Variants in PTPRU observed in about 807,000 individuals in gnomAD.
The protein encoded by PTPRU is receptor-type tyrosine-protein phosphatase U.
In PTPRU, 69 loss-of-function variants were observed where a neutral mutation model predicts 166.3. The observed-to-expected ratio is 0.41, with a 90% confidence interval of 0.34 to 0.51. The LOEUF (loss-of-function observed/expected upper bound fraction) is 0.51. Ranked by LOEUF, PTPRU falls within the 20% of genes least tolerant of loss-of-function variation. The pLI, the probability that PTPRU is intolerant of heterozygous loss-of-function variation, is 0.09. For missense variants in PTPRU, 1,657 were observed against 2,013.7 expected (o/e 0.82, Z 3.39); for synonymous variants, 793 against 814.0 (o/e 0.97, Z 0.44).
chr1:29,314,335 G>A (rs141132498), intron 22 of PTPRU, among the ~76,000 whole-genome samples: 2 of 152,288 alleles, frequency 1.3e-5, no homozygotes, highest in East Asian at 1.9e-4. Flanking sequence ...TTTACAAGGG[G>A]GTTGTGCTAA....
chr1:29,286,846 C>T (rs1686372896), intron 14 of PTPRU, among the ~76,000 whole-genome samples: 1 of 152,138 alleles, frequency 6.6e-6, no homozygotes, highest in South Asian at 2.1e-4. Flanking sequence ...TCCCAGATGC[C>T]TCCAGGAACC....
rs180730861 is a variant in PTPRU at position 29,299,860 on chromosome 1, C to T, written c.2477-3995C>T. ...GTTGCACTTGCCTGGTGGTGCGTTA[C>T]GGACACTCCTTGGAATCATCTTTTC... On this transcript the variant is annotated intron_variant, in intron 15 of 29. Transcript: ENST00000373779. Among the ~76,000 whole-genome samples the T allele has an allele frequency of 2.5e-4, 38 of 152,228 alleles. No homozygotes were observed. The East Asian group carries it at 4.1e-3, about 16-fold the overall frequency.
chr1:29,244,901 A>G (rs1553361367), intron 1 of PTPRU, among the ~76,000 whole-genome samples: 1 of 152,136 alleles, frequency 6.6e-6, no homozygotes, highest in African/African-American at 2.4e-5. Context: ...TGTGCCCAGA[A>G]AAGTTTGTTC....
At chr1:29,314,621 A>T (rs543991620) in intron 22 of PTPRU, among the ~76,000 whole-genome samples, 1 of 151,594 alleles carries the variant, frequency 6.6e-6, no homozygotes, top group Non-Finnish European at 1.5e-5. Context: ...TCTGTCATCC[A>T]GGCTGGAGTG....
chr1:29,325,236 C>G lies in PTPRU; in HGVS notation c.4158C>G (p.Val1386=). The G allele has an allele frequency of 6.2e-7, 1 of 1,614,226 alleles. No homozygotes were observed. Among genetic ancestry groups the G allele is most frequent in the Non-Finnish European group, 8.5e-7 (1 of 1,180,040 alleles). The change falls in exon 29 of 30, where the codon GTC becomes GTG. Residue 1386 remains valine, a synonymous_variant. Coordinates refer to ENST00000373779, the MANE Select transcript of PTPRU (RefSeq NM_133178.4). ...GCACCTTCTGCGCCTGCGCCACGGT[C>G]CTGGAGATGATCCGCTGCCACAACT... The part of the protein sequence containing the change: ...RSGTFCACAT[V]LEMIRCHNLV...
chr1:29,323,486 A>T lies in PTPRU; in HGVS notation c.3944A>T (p.Asn1315Ile). The T allele has an allele frequency of 6.2e-7, 1 of 1,608,954 alleles. No individual in the cohort carries two copies. ...DLVARVFRVQNISRLQEGHLL... is the reference protein window; with the variant it reads ...DLVARVFRVQIISRLQEGHLL... ...GTGGCTCGAGTCTTCCGGGTGCAGA[A>T]CATCTCTCGGGTGAGTGGTCTGAGG... Residue 1315 changes from asparagine (N) to isoleucine (I), a missense_variant, in exon 27 of 30, where the codon AAC (asparagine) becomes ATC (isoleucine). Physicochemically the swap from Asn to Ile is moderately radical, Grantham distance 149 (BLOSUM62 -3). Coordinates refer to ENST00000373779, the MANE Select transcript of PTPRU (RefSeq NM_133178.4).
At position 29,280,702 on chromosome 1, in the gene PTPRU, G is replaced by A. The variant is rs901254218; in HGVS notation, c.1868+561G>A. On this transcript the variant is annotated intron_variant, in intron 11 of 29. Transcript: ENST00000373779. This position sits in a 1 kb window ranked among gnomAD's most constrained non-coding sequence, Gnocchi z 4.2. ...GTGTATGTGGGATGTGAAACTGGGT[G>A]TGTCTTTGTGATAAAGACATGGGAT... 6.6e-5 allele frequency among the ~76,000 whole-genome samples: 10 copies of A among 151,804 alleles called. No individual in the cohort carries two copies. Among genetic ancestry groups the A allele is most frequent in the Non-Finnish European group, 1.0e-4 (7 of 67,946 alleles).
In PTPRU at chr1:29,320,592, G is replaced by C; in HGVS notation, c.3688-93G>C. 1 of 1,378,430 alleles carries C rather than the reference G, an allele frequency of 7.3e-7. No homozygotes were observed. The highest frequency in any genetic ancestry group is 1.6e-5 in the South Asian group (1 of 62,428). The allele number at this position is 1,378,430 out of a possible 1,614,324, so 85.4% of individuals were successfully genotyped here. ...CTGTGGGGCACAACCGTCCAACTCA[G>C]GGTGGGCAGTGCGGGAAGACAGCCT... is the stretch of plus-strand genomic sequence containing the variant. On this transcript the variant is annotated intron_variant, in intron 25 of 29. Coordinates refer to ENST00000373779, the MANE Select transcript of PTPRU (RefSeq NM_133178.4). This position sits in a 1 kb window ranked among gnomAD's most constrained non-coding sequence, Gnocchi z 5.2.
chr1:29,266,961 A>T (rs1685332704), intron 7 of PTPRU, among the ~76,000 whole-genome samples: 1 of 152,144 alleles, frequency 6.6e-6, no homozygotes, highest in South Asian at 2.1e-4. Flanking sequence ...ATGGTGGGTT[A>T]TACCTTTTAT....
rs577125272 is a variant in PTPRU, at chr1:29,317,405, G to A, written c.3514-343G>A. On this transcript the variant is annotated intron_variant, in intron 24 of 29. Coordinates refer to ENST00000373779, the MANE Select transcript of PTPRU (RefSeq NM_133178.4). This position sits in a 1 kb window ranked among gnomAD's most constrained non-coding sequence, Gnocchi z 5.6. ...GCCCGTGTGTGCCGAGCTCAGCCCA[G>A]TGCTTGTCATGATCTCACTTTGGCC... is the stretch of plus-strand genomic sequence containing the variant. 2.0e-5 allele frequency among the ~76,000 whole-genome samples: 3 copies of A among 152,276 alleles called. No individual in the cohort carries two copies. The South Asian group carries it at 6.2e-4, about 32-fold the overall frequency.
At position 29,283,168 on chromosome 1, in the gene PTPRU, C is replaced by T. The variant is rs558606660; in HGVS notation, c.2142+219C>T. Among the ~76,000 whole-genome samples, 2 of 147,544 alleles carry T rather than the reference C, an allele frequency of 1.4e-5. 1 individual carries two copies. The highest frequency in any genetic ancestry group is 4.4e-4 in the South Asian group (2 of 4,566). ...CCATAGCCCTGGCCCCACAGTTCCT[C>T]CCCCATAACCTTGCCCCTCCCATAG... On this transcript the variant is annotated intron_variant, in intron 12 of 29. Coordinates refer to ENST00000373779, the MANE Select transcript of PTPRU (RefSeq NM_133178.4).
At chr1:29,251,279 T>C (rs1684534483) in intron 1 of PTPRU, among the ~76,000 whole-genome samples, 1 of 151,952 alleles carries the variant, frequency 6.6e-6, no homozygotes, top group South Asian at 2.1e-4. Flanking sequence ...GGAATCACTC[T>C]GGATGCGGTC....
intron 7 of PTPRU, among the ~76,000 whole-genome samples, chr1:29,268,671 C>T (rs545701210): frequency 2.0e-5 from 3 of 152,298 alleles, no homozygotes; most frequent in Non-Finnish European, 2.9e-5. Flanking sequence ...TGAAGTATAG[C>T]GCTTAACACA....
intron 1 of PTPRU, among the ~76,000 whole-genome samples, chr1:29,247,638 A>G (rs887403699): frequency 6.9e-6 from 1 of 145,324 alleles, no homozygotes; most frequent in Non-Finnish European, 1.5e-5. Context: ...ACTGCACAAC[A>G]TAGTCCTCCA....
intron 2 of PTPRU, 35 bp downstream of exon 2, chr1:29,255,441 C>T (rs1684737683): frequency 3.7e-6 from 6 of 1,608,816 alleles, no homozygotes; most frequent in African/African-American, 2.7e-5. Context: ...ACCCCTTCTT[C>T]TCCTTCCAGA....
Position 29,244,153 on chromosome 1 carries a change from G to T in PTPRU, c.73+7436G>T, listed in dbSNP as rs1684180675. 2.0e-5 allele frequency among the ~76,000 whole-genome samples: 3 copies of T among 152,128 alleles called. No individual in the cohort carries two copies. The South Asian group carries it at 6.2e-4, about 32-fold the overall frequency. On this transcript the variant is annotated intron_variant, in intron 1 of 29. Coordinates refer to ENST00000373779, the MANE Select transcript of PTPRU (RefSeq NM_133178.4). ...GGAGATGCTGAGGATATTTGACAGG[G>T]CAAGATTAAAGCTAGGGGTGGGGTG...
rs34824846 is a variant in PTPRU, at chr1:29,238,102, C to T, written c.73+1385C>T. 0.067 allele frequency among the ~76,000 whole-genome samples: 10,200 copies of T among 151,858 alleles called. 507 individuals carry two copies. The highest frequency in any genetic ancestry group is 0.1 in the Non-Finnish European group (6,868 of 67,862). ...TGAGCGTGAGTGTGAGCGTGTGGCT[C>T]CGCGCTTGTCTGCTGTGTGGTCGCG... On this transcript the variant is annotated intron_variant, in intron 1 of 29. Transcript: ENST00000373779. The surrounding 1 kb of genome is among the most constrained non-coding windows in gnomAD (Gnocchi z 6.1).
chr1:29,289,701 C>A (rs1265663818), intron 14 of PTPRU: 1 of 1,614,068 alleles, frequency 6.2e-7, no homozygotes, highest in East Asian at 2.2e-5. Context: ...ACTATGCCTA[C>A]TCCTACTACC....
At chr1:29,287,610 T>TC (rs1686416966) in intron 14 of PTPRU, among the ~76,000 whole-genome samples, 1 of 151,378 alleles carries the variant, frequency 6.6e-6, no homozygotes, top group African/African-American at 2.4e-5. Flanking sequence ...TTTTTTTTTT[T>TC]TTTAAATGGA....
Sources: allele counts gnomAD v4.1 joint callset (sites outside exome capture counted in the v4.1 genomes callset), GRCh38; gene constraint gnomAD v4.1.1; non-coding constraint Gnocchi (gnomAD v3.1); transcripts MANE v1.5; gene names NCBI Gene and HGNC (gene_info 2026-07-23, HGNC 2026-07-21).